The following DPP6 variants were observed in gnomAD, a reference collection of about 807,000 sequenced individuals.
The protein encoded by DPP6 is A-type potassium channel modulatory protein DPP6.
DPP6 carries 69 observed loss-of-function variants against 122.6 expected under a neutral mutation model. That is an observed-to-expected ratio of 0.56 (90% CI 0.46 to 0.69). The LOEUF is 0.69. DPP6 is among the 30% of genes least tolerant of loss of function. The probability of loss-of-function intolerance (pLI) is 0.00; values close to 1 mark genes in which losing one functional copy is unlikely to be tolerated. For synonymous variants in DPP6, 418 were observed against 433.1 expected (o/e 0.97, Z 0.43); for missense variants, 928 against 1,116.9 (o/e 0.83, Z 2.41).
intron 7 of DPP6, among the ~76,000 whole-genome samples, chr7:154,670,860 G>A (rs9791987): frequency 0.91 from 138,790 of 152,116 alleles, 64,584 homozygotes; most frequent in East Asian, 1. Context: ...GTTTGAAAAA[G>A]CAAGAAGATC....
At chr7:154,739,545 G>A (rs1842722637) in intron 8 of DPP6, among the ~76,000 whole-genome samples, 1 of 152,208 alleles carries the variant, frequency 6.6e-6, no homozygotes, top group African/African-American at 2.4e-5. Context: ...GTCCCCCATG[G>A]AATCATCAAT....
intron 1 of DPP6, among the ~76,000 whole-genome samples, chr7:154,065,887 T>C (rs183379688): frequency 0.03 from 4,611 of 151,930 alleles, 74 homozygotes; most frequent in South Asian, 0.065. Context: ...AGGTGAGTTG[T>C]TTTATCCTCC....
intron 7 of DPP6, among the ~76,000 whole-genome samples, chr7:154,683,829 CTT>C (rs1212326833): frequency 6.6e-6 from 1 of 152,160 alleles, no homozygotes; most frequent in African/African-American, 2.4e-5. Flanking sequence ...ACTGCGAAGA[CTT>C]TGTATTTGCT....
chr7:154,493,406 G>A (rs1303307443), intron 3 of DPP6, among the ~76,000 whole-genome samples: 1 of 152,196 alleles, frequency 6.6e-6, no homozygotes, highest in African/African-American at 2.4e-5. Context: ...CTGGGTAGGT[G>A]CACTCATCAC....
At chr7:154,524,381 C>T (rs1827239039) in intron 3 of DPP6, among the ~76,000 whole-genome samples, 1 of 152,196 alleles carries the variant, frequency 6.6e-6, no homozygotes, top group East Asian at 1.9e-4. Flanking sequence ...CCACAGAGTG[C>T]TGTGTAATAA....
chr7:154,862,885 C>A (rs1021635695), intron 17 of DPP6, among the ~76,000 whole-genome samples: 6 of 152,246 alleles, frequency 3.9e-5, no homozygotes, highest in Non-Finnish European at 8.8e-5. Flanking sequence ...GTCAGACTGA[C>A]TCTAACAACT....
chr7:154,669,263 AAG>A, intron 6 of DPP6, 95 bp from the exon 7 acceptor site: 1 of 1,528,822 alleles, frequency 6.5e-7, no homozygotes, highest in Non-Finnish European at 8.9e-7. Context: ...TGGAAGGAGA[AAG>A]GAGTTAAGTT....
intron 1 of DPP6, among the ~76,000 whole-genome samples, chr7:154,248,871 A>G: frequency 6.6e-6 from 1 of 152,062 alleles, no homozygotes; most frequent in Non-Finnish European, 1.5e-5. Context: ...GTCTCAGGAA[A>G]AAAAAAAAAG....
At chr7:153,973,515 G>A (rs1256381583) in intron 1 of DPP6, among the ~76,000 whole-genome samples, 1 of 152,090 alleles carries the variant, frequency 6.6e-6, no homozygotes, top group African/African-American at 2.4e-5. Flanking sequence ...TCCTATTATG[G>A]TAAGCTAACT....
At chr7:154,160,341 G>A (rs543766904) in intron 1 of DPP6, among the ~76,000 whole-genome samples, 1 of 152,264 alleles carries the variant, frequency 6.6e-6, no homozygotes, top group Non-Finnish European at 1.5e-5. Flanking sequence ...AGGCCATTCA[G>A]TACAGTGTTT....
intron 1 of DPP6, among the ~76,000 whole-genome samples, chr7:154,059,998 G>C (rs1352172061): frequency 6.6e-6 from 1 of 152,150 alleles, no homozygotes; most frequent in South Asian, 2.1e-4. Context: ...CTGGCTGTTG[G>C]GACCCGCATC....
chr7:154,100,589 A>G (rs1805660609), intron 1 of DPP6, among the ~76,000 whole-genome samples: 1 of 81,396 alleles, frequency 1.2e-5, no homozygotes, highest in Admixed American at 1.3e-4. Context: ...GTCCCTTTCC[A>G]TGGAGCCACA....
intron 1 of DPP6, among the ~76,000 whole-genome samples, chr7:153,892,596 C>G (rs570910012): frequency 1.9e-3 from 296 of 152,314 alleles, no homozygotes; most frequent in Non-Finnish European, 2.9e-3. Context: ...GCCACCTCTC[C>G]CTGCCAAATC....
chr7:154,588,985 G>T (rs778590988), intron 5 of DPP6, among the ~76,000 whole-genome samples: 5 of 152,166 alleles, frequency 3.3e-5, no homozygotes, highest in Non-Finnish European at 7.4e-5. Flanking sequence ...TTTGTTCCTA[G>T]GTTTGTTGGC....
chr7:154,088,551 C>T, intron 1 of DPP6, among the ~76,000 whole-genome samples: 1 of 147,998 alleles, frequency 6.8e-6, no homozygotes, highest in South Asian at 2.2e-4. Context: ...CCCTGAAGTT[C>T]CTGCCTGGGG....
intron 1 of DPP6, among the ~76,000 whole-genome samples, chr7:154,287,324 G>T (rs1804921013): frequency 6.6e-6 from 1 of 152,194 alleles, no homozygotes; most frequent in Admixed American, 6.5e-5. Flanking sequence ...ACACTCAAAT[G>T]TTTTCTGTTT....
chr7:154,060,101 C>T (rs1167891966), intron 1 of DPP6, among the ~76,000 whole-genome samples: 3 of 139,576 alleles, frequency 2.1e-5, no homozygotes, highest in Non-Finnish European at 3.2e-5. Context: ...GGGGGGGAGG[C>T]AATCCTCCCG....
chr7:154,691,902 T>C (rs1839953817), intron 7 of DPP6, among the ~76,000 whole-genome samples: 1 of 151,944 alleles, frequency 6.6e-6, no homozygotes, highest in Non-Finnish European at 1.5e-5. Context: ...CTCACAAAGG[T>C]GGTTAGTGTT....
intron 1 of DPP6, among the ~76,000 whole-genome samples, chr7:154,135,844 C>T (rs1480964963): frequency 2.0e-5 from 3 of 146,384 alleles, no homozygotes; most frequent in Admixed American, 6.6e-5. Flanking sequence ...GTGAGTACCA[C>T]TTTCTCTCTG....
Sources: gnomAD v4.1 joint callset for allele counts (sites outside exome capture counted in the v4.1 genomes callset) on GRCh38, gnomAD v4.1.1 for gene constraint, MANE v1.5 for transcripts, NCBI Gene and HGNC (gene_info 2026-07-23, HGNC 2026-07-21) for gene names.